The following SMAD6 variants were observed in gnomAD, a reference collection of about 807,000 sequenced individuals.
The protein encoded by SMAD6 is SMAD family member 6.
A neutral mutation model predicts 39.4 loss-of-function variants in SMAD6; 103 were observed. That is an observed-to-expected ratio of 2.62 (90% CI 2.23 to 3.08). The LOEUF (loss-of-function observed/expected upper bound fraction) is 3.08. Ranked by LOEUF, SMAD6 falls within the 30% of genes most tolerant of loss-of-function variation. SMAD6 has a pLI of 0.00. For missense variants in SMAD6, 1,104 were observed against 742.9 expected, an observed-to-expected ratio of 1.49 and a Z score of -5.65; for synonymous variants, 445 against 353.3, an observed-to-expected ratio of 1.26 and a Z score of -2.91.
intron 3 of SMAD6, among the ~76,000 whole-genome samples, chr15:66,721,129 C>T (rs11631315): frequency 0.078 from 11,852 of 152,102 alleles, 573 homozygotes; most frequent in East Asian, 0.19. Context: ...GGAACAGAGG[C>T]TCAGGGAGGT....
At chr15:66,750,652 G>C (rs1290792232) in intron 3 of SMAD6, among the ~76,000 whole-genome samples, 1 of 152,096 alleles carries the variant, frequency 6.6e-6, no homozygotes, top group Non-Finnish European at 1.5e-5. Flanking sequence ...GGAAACAGCA[G>C]TTAGGAGAGT....
intron 1 of SMAD6, 67 bp from the exon 2 acceptor site, chr15:66,711,601 A>T: frequency 8.3e-7 from 1 of 1,209,158 alleles, no homozygotes; most frequent in South Asian, 1.2e-5. Flanking sequence ...CAGTAATTAA[A>T]AGCATGTAGA....
chr15:66,713,224 A>G (rs2140598705), intron 2 of SMAD6, among the ~76,000 whole-genome samples: 1 of 152,330 alleles, frequency 6.6e-6, no homozygotes, highest in Non-Finnish European at 1.5e-5. Flanking sequence ...ACGATGCTGC[A>G]ACATTCCACC....
At position 66,729,228 on chromosome 15, in the gene SMAD6, G is replaced by GTCTCCCTGCA. The variant is rs1326991692; in HGVS notation, c.952+12743_952+12752dup. ...ACAAAACTGAGTCCTGTCCCCCTGC[G>GTCTCCCTGCA]TCTCCCTGCATCTCCCTGCATCCCC... is the stretch of plus-strand genomic sequence containing the variant. On this transcript the variant is annotated intron_variant, in intron 3 of 3. Transcript: ENST00000288840. Among the ~76,000 whole-genome samples, 10 of 152,196 alleles carry GTCTCCCTGCA rather than the reference G, an allele frequency of 6.6e-5. No individual in the cohort carries two copies. The East Asian group carries it at 1.5e-3, about 24-fold the overall frequency.
chr15:66,780,959 C>A (rs1373302960), intron 3 of SMAD6, 38 bp from the exon 4 acceptor site: 1 of 1,511,298 alleles, frequency 6.6e-7, no homozygotes, highest in East Asian at 2.5e-5. Context: ...CACCTCCCCA[C>A]CCAGAATAAC....
Position 66,703,891 on chromosome 15 carries a change from C to G in SMAD6, c.633C>G (p.Ala211=). The G allele has an allele frequency of 7.7e-7, 1 of 1,294,364 alleles. No homozygotes were observed. The highest frequency in any genetic ancestry group is 9.8e-7 in the Non-Finnish European group (1 of 1,024,432). The allele number at this position is 1,294,364 out of a possible 1,614,324, so 80.2% of individuals were successfully genotyped here. ...VPGGCVLVPR[A]DLRLGGQPAP... is the part of the protein sequence containing the mutation. ...GCGGCTGCGTGCTGGTGCCGCGCGC[C>G]GACCTCCGCCTGGGCGGCCAGCCCG... is the stretch of plus-strand genomic sequence containing the variant. Residue 211 remains alanine, a synonymous_variant, in exon 1 of 4, where the codon GCC becomes GCG. Coordinates refer to ENST00000288840, the MANE Select transcript of SMAD6 (RefSeq NM_005585.5).
Position 66,703,159 on chromosome 15 carries a change from T to G in SMAD6, c.-100T>G. The G allele has an allele frequency of 1.9e-5, 16 of 853,824 alleles. No individual in the cohort carries two copies. The highest frequency in any genetic ancestry group is 4.3e-5 in the Admixed American group (1 of 23,344). The allele number at this position is 853,824 out of a possible 1,614,324, so 52.9% of individuals were successfully genotyped here. ...CACGGCGCTCCGCGGCGGAGCTTCA[T>G]GTGGGGCTGCGACCCGCGCAGCCGG... On this transcript the variant is annotated 5_prime_UTR_variant, in exon 1 of 4. An upstream start codon of the reference 5' UTR is lost. Coordinates refer to ENST00000288840, the MANE Select transcript of SMAD6 (RefSeq NM_005585.5).
At chr15:66,743,913 A>G (rs374059070) in intron 3 of SMAD6, among the ~76,000 whole-genome samples, 53 of 152,086 alleles carry the variant, frequency 3.5e-4, no homozygotes, top group Middle Eastern at 3.4e-3. Context: ...TACTTAACCA[A>G]TCCCCCAGGG....
At chr15:66,730,063 T>C (rs1893599087) in intron 3 of SMAD6, among the ~76,000 whole-genome samples, 1 of 152,186 alleles carries the variant, frequency 6.6e-6, no homozygotes, top group South Asian at 2.1e-4. Flanking sequence ...CGTCAGACCC[T>C]CTTGCCCAGA....
Position 66,703,960 on chromosome 15 carries a change from C to G in SMAD6, c.702C>G (p.Asp234Glu), listed in dbSNP as rs779292711. Residue 234 changes from aspartate to glutamate, a missense_variant, in exon 1 of 4, where the codon GAC becomes GAG. Coordinates refer to ENST00000288840, the MANE Select transcript of SMAD6 (RefSeq NM_005585.5). ...TCGGCCGCCTCTTTCGCTGGCCCGA[C>G]CTGCAGCACGCCGTGGAGCTGAAGC... ...LLLGRLFRWP[D>E]LQHAVELKPL... The G allele has an allele frequency of 6.9e-7, 1 of 1,438,938 alleles. No homozygotes were observed. The highest frequency in any genetic ancestry group is 9.1e-7 in the Non-Finnish European group (1 of 1,096,846). The allele number at this position is 1,438,938 out of a possible 1,614,324, so 89.1% of individuals were successfully genotyped here. A position where few individuals can be genotyped will look rare whatever the true frequency, so the allele number is the denominator to read the frequency against.
intron 3 of SMAD6, among the ~76,000 whole-genome samples, chr15:66,726,978 C>T (rs1163252811): frequency 6.6e-6 from 1 of 152,176 alleles, no homozygotes; most frequent in Non-Finnish European, 1.5e-5. Context: ...GTCTCCCACT[C>T]AAGGCAGGAG....
chr15:66,704,327 G>A (rs866231105), intron 1 of SMAD6: 49 of 353,950 alleles, frequency 1.4e-4, no homozygotes, highest in Middle Eastern at 7.3e-4. Context: ...TTTTCTCTGT[G>A]CAGTTTCAGG....
At chr15:66,737,307 T>G (rs1441453587) in intron 3 of SMAD6, among the ~76,000 whole-genome samples, 1 of 152,180 alleles carries the variant, frequency 6.6e-6, no homozygotes, top group African/African-American at 2.4e-5. Context: ...CTGTTCCTTC[T>G]GAAGGTCCCA....
Position 66,781,042 on chromosome 15 carries a change from G to T in SMAD6, c.998G>T (p.Ser333Ile). 1 of 1,600,590 alleles carries T rather than the reference G, an allele frequency of 6.2e-7. No individual in the cohort carries two copies. ...GCCACCAAGCCGAGCCACTGGTGCA[G>T]CGTGGCGTACTGGGAGCACCGGACG... ...PDATKPSHWC[S>I]VAYWEHRTRV... Residue 333 changes from serine to isoleucine, a missense_variant, in exon 4 of 4, where the codon AGC becomes ATC. Coordinates refer to ENST00000288840, the MANE Select transcript of SMAD6 (RefSeq NM_005585.5).
At chr15:66,722,005 G>A (rs1420537399) in intron 3 of SMAD6, among the ~76,000 whole-genome samples, 1 of 152,190 alleles carries the variant, frequency 6.6e-6, no homozygotes, top group Admixed American at 6.5e-5. Context: ...CTGGAGGTGT[G>A]AAAAGAACTT....
chr15:66,717,470 A>G (rs1337539150), intron 3 of SMAD6: 1 of 454,434 alleles, frequency 2.2e-6, no homozygotes, highest in Admixed American at 2.4e-5. Context: ...TGTGCTCTTC[A>G]TCACTGTTTT....
At chr15:66,746,012 C>T (rs1172766827) in intron 3 of SMAD6, among the ~76,000 whole-genome samples, 1 of 152,186 alleles carries the variant, frequency 6.6e-6, no homozygotes, top group African/African-American at 2.4e-5. Context: ...GGGATGTGTA[C>T]TAGTGCCTCG....
chr15:66,706,251 T>G (rs750313637), intron 1 of SMAD6: 5 of 152,056 alleles, frequency 3.3e-5, no homozygotes, highest in Non-Finnish European at 5.9e-5. Flanking sequence ...TCAGTGGGGG[T>G]GGCTCTAGGA....
chr15:66,771,120 G>A (rs1322841053), intron 3 of SMAD6, among the ~76,000 whole-genome samples: 2 of 152,150 alleles, frequency 1.3e-5, no homozygotes, highest in East Asian at 1.9e-4. Flanking sequence ...TGGCCAGACC[G>A]GTGAGCTGCA....
Sources: allele counts gnomAD v4.1 joint callset (sites outside exome capture counted in the v4.1 genomes callset), GRCh38; gene constraint gnomAD v4.1.1; transcripts MANE v1.5; gene names NCBI Gene and HGNC (gene_info 2026-07-23, HGNC 2026-07-21).